SOX5: variants seen among roughly 807,000 people sequenced by gnomAD.
SOX5 encodes the protein SRY-box transcription factor 5.
A neutral mutation model predicts 92.0 loss-of-function variants in SOX5; 9 were observed. The ratio of observed to expected loss-of-function variants is 0.10; its 90% CI spans 0.06 to 0.17. SOX5 has a LOEUF of 0.17. Among genes scored for constraint, SOX5 ranks in the 10% least tolerant of loss-of-function variants. The probability of loss-of-function intolerance (pLI) is 1.00; values close to 1 mark genes in which losing one functional copy is unlikely to be tolerated. For missense variants in SOX5, 642 were observed against 944.5 expected (o/e 0.68, Z 4.20); for synonymous variants, 344 against 336.3 (o/e 1.02, Z -0.25).
chr12:24,296,956 C>T (rs1339793118), intron 2 of SOX5, among the ~76,000 whole-genome samples: 1 of 151,534 alleles, frequency 6.6e-6, no homozygotes, highest in Non-Finnish European at 1.5e-5. Context: ...CACACACACA[C>T]ACACAAACAC....
rs373958649 is a variant in SOX5 at position 24,180,596 on chromosome 12, G to A, written c.-2+32747C>T. Among the ~76,000 whole-genome samples, 77 of 152,216 alleles carry A rather than the reference G, an allele frequency of 5.1e-4. No homozygotes were observed. The East Asian group carries it at 6.6e-3, about 13-fold the overall frequency. ...ATGCAGTGCCCCTTTTATAACTGTC[G>A]TTACTATGCCACTTTACTTCATTCT... On this transcript the variant is annotated intron_variant, in intron 4 of 4. Coordinates refer to the SOX5 transcript ENST00000446891.
At chr12:23,686,277 T>C (rs2087566092) in intron 6 of SOX5, among the ~76,000 whole-genome samples, 1 of 152,218 alleles carries the variant, frequency 6.6e-6, no homozygotes, top group African/African-American at 2.4e-5. Context: ...CCTTGCCACT[T>C]CCTGGTTAAT....
chr12:23,779,249 C>G (rs1048153845), intron 3 of SOX5, among the ~76,000 whole-genome samples: 5 of 151,810 alleles, frequency 3.3e-5, no homozygotes, highest in Admixed American at 2.6e-4. Flanking sequence ...ACTTCAGGCA[C>G]AATAGCAAAT....
intron 10 of SOX5, among the ~76,000 whole-genome samples, chr12:23,566,000 CTTAA>C (rs1947014475): frequency 6.6e-6 from 1 of 152,296 alleles, no homozygotes; most frequent in African/African-American, 2.4e-5. Context: ...CTTCTGCTGG[CTTAA>C]TTTATTTCCA....
intron 2 of SOX5, among the ~76,000 whole-genome samples, chr12:23,880,027 CA>C (rs1176968142): frequency 6.6e-5 from 10 of 152,098 alleles, no homozygotes; most frequent in Non-Finnish European, 1.5e-5. Context: ...AGTCAGTTGC[CA>C]GATATATAGC....
intron 2 of SOX5, among the ~76,000 whole-genome samples, chr12:24,306,415 CAA>C (rs1262258221): frequency 1.3e-5 from 2 of 152,176 alleles, no homozygotes; most frequent in African/African-American, 2.4e-5. Context: ...TGGGGTCATG[CAA>C]AGATTGTTAT....
intron 4 of SOX5, among the ~76,000 whole-genome samples, chr12:24,105,968 G>A (rs544640138): frequency 2.0e-5 from 3 of 152,138 alleles, no homozygotes; most frequent in Non-Finnish European, 2.9e-5. Context: ...CCTTACAAAC[G>A]TGTTGAAGGA....
intron 1 of SOX5, among the ~76,000 whole-genome samples, chr12:24,420,345 C>T (rs565402232): frequency 1.6e-4 from 25 of 152,256 alleles, no homozygotes; most frequent in African/African-American, 2.6e-4. Context: ...ACCCAGTACA[C>T]GCGAAGCTAT....
At chr12:24,520,695 G>C (rs1002273824) in intron 1 of SOX5, among the ~76,000 whole-genome samples, 3 of 152,078 alleles carry the variant, frequency 2.0e-5, no homozygotes, top group Admixed American at 1.3e-4. Context: ...AAAAGGCACA[G>C]AGTGTCTGAA....
rs532498982 is a variant in SOX5, at chr12:23,725,255, CCAAG to C, written c.810+9425_810+9428del. 8.8e-4 allele frequency among the ~76,000 whole-genome samples: 134 copies of C among 152,226 alleles called. 2 individuals carry two copies. The South Asian group carries it at 0.026, about 30-fold the overall frequency. ...TCTCACACTGCTAATAAAGACATAT[CCAAG>C]ACTGAGTAATTTATAAAGGAAAGAA... On this transcript the variant is annotated intron_variant, in intron 6 of 14. Transcript: ENST00000451604.
intron 8 of SOX5, among the ~76,000 whole-genome samples, chr12:23,627,837 G>GA (rs577252547): frequency 2.8e-4 from 40 of 144,350 alleles, no homozygotes; most frequent in East Asian, 1.0e-3. Context: ...TGTTTTAAAG[G>GA]AAAAAAAAAA....
At position 24,496,209 on chromosome 12, in the gene SOX5, T is replaced by C. The variant is rs182496043; in HGVS notation, c.-251+66120A>G. Among the ~76,000 whole-genome samples, 277 of 152,148 alleles carry C rather than the reference T, an allele frequency of 1.8e-3. 1 individual carries two copies. The highest frequency in any genetic ancestry group is 6.8e-3 in the Middle Eastern group (2 of 294). ...CAAGCAACTCCTACACAAGCAAAAATACCTATAAAGAAGAGTAACGCCTAA... is the reference window on the plus strand; with the variant it reads ...CAAGCAACTCCTACACAAGCAAAAACACCTATAAAGAAGAGTAACGCCTAA... On this transcript the variant is annotated intron_variant, in intron 1 of 4. Transcript: ENST00000446891.
At chr12:24,085,383 C>A (rs546926457) in intron 4 of SOX5, among the ~76,000 whole-genome samples, 1 of 152,150 alleles carries the variant, frequency 6.6e-6, no homozygotes, top group South Asian at 2.1e-4. Context: ...CAACTTTGTG[C>A]CCACTTTACA....
At chr12:24,228,714 C>T (rs986204899) in intron 3 of SOX5, among the ~76,000 whole-genome samples, 1 of 152,074 alleles carries the variant, frequency 6.6e-6, no homozygotes, top group African/African-American at 2.4e-5. Context: ...CATGCACACA[C>T]CCCACATACA....
chr12:23,784,120 A>G (rs1245008911), intron 3 of SOX5, among the ~76,000 whole-genome samples: 1 of 151,412 alleles, frequency 6.6e-6, no homozygotes, highest in Admixed American at 6.6e-5. Context: ...ACGAGAAAGG[A>G]AAAAAAAAGT....
At chr12:23,576,053 A>G (rs556757207) in intron 9 of SOX5, among the ~76,000 whole-genome samples, 106 of 152,344 alleles carry the variant, frequency 7.0e-4, no homozygotes, top group African/African-American at 2.5e-3. Context: ...GAGAAAGTAC[A>G]TGTGTACTCA....
chr12:24,008,862 C>T (rs1952608476), intron 4 of SOX5, among the ~76,000 whole-genome samples: 1 of 152,018 alleles, frequency 6.6e-6, no homozygotes, highest in Non-Finnish European at 1.5e-5. Context: ...GTGTGTTGGC[C>T]CTGTGACTAC....
chr12:23,851,176 C>T (rs772540907), intron 2 of SOX5, among the ~76,000 whole-genome samples: 8 of 151,870 alleles, frequency 5.3e-5, no homozygotes, highest in Non-Finnish European at 1.2e-4. Flanking sequence ...AATTTTACTG[C>T]TCTAAAGATA....
chr12:24,392,210 C>T (rs1207560961), intron 1 of SOX5, among the ~76,000 whole-genome samples: 1 of 152,152 alleles, frequency 6.6e-6, no homozygotes, highest in Non-Finnish European at 1.5e-5. Flanking sequence ...GTCTTTCCAC[C>T]TATCTCCCTG....
Sources: gnomAD v4.1 joint callset for allele counts (sites outside exome capture counted in the v4.1 genomes callset) on GRCh38, gnomAD v4.1.1 for gene constraint, MANE v1.5 for transcripts, NCBI Gene and HGNC (gene_info 2026-07-23, HGNC 2026-07-21) for gene names.